PRKCE: variants seen among roughly 807,000 people sequenced by gnomAD.
PRKCE encodes protein kinase C epsilon type.
In PRKCE, 16 loss-of-function variants were observed where a neutral mutation model predicts 85.4. That is an observed-to-expected ratio of 0.19 (90% CI 0.13 to 0.28). The LOEUF is 0.28. PRKCE is among the 10% of genes least tolerant of loss of function. The pLI is 1.00. For missense variants in PRKCE, 573 were observed against 975.2 expected, an observed-to-expected ratio of 0.59 and a Z score of 5.49; for synonymous variants, 388 against 371.5, an observed-to-expected ratio of 1.04 and a Z score of -0.51.
chr2:46,034,560 G>A (rs185625754), intron 10 of PRKCE, among the ~76,000 whole-genome samples: 37 of 152,230 alleles, frequency 2.4e-4, no homozygotes, highest in East Asian at 3.9e-4. Context: ...GCTTCCTTCC[G>A]AAGATCCTCC....
chr2:45,796,233 G>C (rs913799489), intron 1 of PRKCE, among the ~76,000 whole-genome samples: 1 of 152,138 alleles, frequency 6.6e-6, no homozygotes, highest in African/African-American at 2.4e-5. Context: ...TTTGTATAAC[G>C]TAGTAATTGA....
At chr2:45,992,854 A>T (rs1434570796) in intron 6 of PRKCE, among the ~76,000 whole-genome samples, 1 of 151,492 alleles carries the variant, frequency 6.6e-6, no homozygotes, top group Non-Finnish European at 1.5e-5. Context: ...GAGTGCCTGA[A>T]CCCCAGTGTG....
At chr2:45,916,851 G>A (rs2103885888) in intron 2 of PRKCE, among the ~76,000 whole-genome samples, 1 of 152,304 alleles carries the variant, frequency 6.6e-6, no homozygotes, top group African/African-American at 2.4e-5. Context: ...CGCGTCTGGA[G>A]TTTGTTCCTT....
intron 10 of PRKCE, among the ~76,000 whole-genome samples, chr2:46,038,184 G>GA (rs1195058315): frequency 8.6e-5 from 13 of 151,492 alleles, no homozygotes; most frequent in East Asian, 1.9e-4. Context: ...TAATTTTAAG[G>GA]AAAAAAAATC....
chr2:45,767,955 AC>A (rs1685040267), intron 1 of PRKCE, among the ~76,000 whole-genome samples: 1 of 152,218 alleles, frequency 6.6e-6, no homozygotes, highest in Non-Finnish European at 1.5e-5. Flanking sequence ...TTGGCTTGAT[AC>A]CAAGCAGAGG....
intron 10 of PRKCE, among the ~76,000 whole-genome samples, chr2:46,020,457 T>G (rs28398174): frequency 0.053 from 8,131 of 152,160 alleles, 363 homozygotes; most frequent in East Asian, 0.13. Context: ...TGTATACAGG[T>G]GTCATTTCCT....
At chr2:46,080,292 G>A (rs1174913392) in intron 10 of PRKCE, among the ~76,000 whole-genome samples, 1 of 151,942 alleles carries the variant, frequency 6.6e-6, no homozygotes, top group Non-Finnish European at 1.5e-5. Context: ...AGAGTGAGGG[G>A]AAATGAAAAT....
At chr2:46,073,871 AT>A (rs1002194915) in intron 10 of PRKCE, 1 of 152,132 alleles carries the variant, frequency 6.6e-6, no homozygotes, top group Non-Finnish European at 1.5e-5. Context: ...GTTTCACTGG[AT>A]ACCTGAGTAA....
chr2:45,842,848 T>C, intron 1 of PRKCE, 152 bp from the exon 2 acceptor site: 1 of 734,882 alleles, frequency 1.4e-6, no homozygotes. Context: ...CTCCCAGGTC[T>C]GCATCTCACC....
intron 1 of PRKCE, among the ~76,000 whole-genome samples, chr2:45,771,907 C>T (rs951958740): frequency 6.6e-6 from 1 of 152,150 alleles, no homozygotes; most frequent in Non-Finnish European, 1.5e-5. Context: ...ATTCCAGCTT[C>T]CCGGTTGGCA....
chr2:46,094,170 G>A (rs2103987826), intron 11 of PRKCE, among the ~76,000 whole-genome samples: 1 of 152,134 alleles, frequency 6.6e-6, no homozygotes, highest in South Asian at 2.1e-4. Context: ...CTTCTGCCCT[G>A]TGTGCCTGCT....
intron 6 of PRKCE, among the ~76,000 whole-genome samples, chr2:45,985,472 T>C (rs1235086983): frequency 1.3e-5 from 2 of 152,182 alleles, no homozygotes; most frequent in South Asian, 4.1e-4. Flanking sequence ...GGATATTGCA[T>C]GGACAATATT....
intron 1 of PRKCE, among the ~76,000 whole-genome samples, chr2:45,758,994 T>A (rs148625739): frequency 2.0e-5 from 3 of 152,092 alleles, no homozygotes; most frequent in Non-Finnish European, 2.9e-5. Flanking sequence ...TCAGCACTCA[T>A]GAGATAGCAG....
rs536523492 is a variant in PRKCE, at chr2:45,676,672, T to G, written c.348+24224T>G. The G allele has an allele frequency of 4.6e-5, 7 of 152,348 alleles. No homozygotes were observed. In the East Asian group the frequency reaches 9.6e-4, roughly 21 times the overall value. 9.4% of individuals were successfully genotyped at this position (152,348 alleles called of 1,614,324 possible). ...AAGGTTGTGATAATGAAGAGAGTAATAGAAGGCTCAGCTCAGGTTCTAAGG... is the reference window on the plus strand; with the variant it reads ...AAGGTTGTGATAATGAAGAGAGTAAGAGAAGGCTCAGCTCAGGTTCTAAGG... On this transcript the variant is annotated intron_variant, in intron 1 of 14. Coordinates refer to ENST00000306156, the MANE Select transcript of PRKCE (RefSeq NM_005400.3).
intron 1 of PRKCE, among the ~76,000 whole-genome samples, chr2:45,780,080 CAT>C (rs1014940696): frequency 5.4e-5 from 8 of 147,664 alleles, no homozygotes; most frequent in African/African-American, 7.5e-5. Context: ...ACTTTTAAAA[CAT>C]ATATAACCAC....
chr2:46,179,784 C>T (rs1574683207), intron 14 of PRKCE, among the ~76,000 whole-genome samples: 2 of 152,078 alleles, frequency 1.3e-5, no homozygotes, highest in South Asian at 4.1e-4. Context: ...CCCCATGGGC[C>T]TAGTGATGGT....
intron 5 of PRKCE, among the ~76,000 whole-genome samples, chr2:45,980,671 C>G (rs1261364919): frequency 1.3e-5 from 2 of 152,158 alleles, no homozygotes; most frequent in South Asian, 2.1e-4. Flanking sequence ...ATCATCTCAT[C>G]AGAACTAAAA....
chr2:46,067,965 T>G (rs913725150), intron 10 of PRKCE, among the ~76,000 whole-genome samples: 7 of 152,202 alleles, frequency 4.6e-5, no homozygotes, highest in Admixed American at 1.3e-4. Context: ...TGCACATTTT[T>G]TACATCATAC....
At chr2:46,073,124 T>C (rs1484242715) in intron 10 of PRKCE, among the ~76,000 whole-genome samples, 1 of 152,190 alleles carries the variant, frequency 6.6e-6, no homozygotes, top group African/African-American at 2.4e-5. Context: ...GTCCAGCCTC[T>C]CAGTGAACAA....
Sources: allele counts gnomAD v4.1 joint callset (sites outside exome capture counted in the v4.1 genomes callset), GRCh38; gene constraint gnomAD v4.1.1; transcripts MANE v1.5; gene names NCBI Gene and HGNC (gene_info 2026-07-23, HGNC 2026-07-21).